The following CDH10 variants were observed in gnomAD, a reference collection of about 807,000 sequenced individuals.
CDH10 encodes the protein cadherin 10.
A neutral mutation model predicts 73.1 loss-of-function variants in CDH10; 30 were observed. The ratio of observed to expected loss-of-function variants is 0.41; its 90% CI spans 0.31 to 0.56. The LOEUF is 0.56. Among genes scored for constraint, CDH10 ranks in the 20% least tolerant of loss-of-function variants. The pLI, the probability that CDH10 is intolerant of heterozygous loss-of-function variation, is 0.27. For synonymous variants in CDH10, 345 were observed against 348.2 expected (o/e 0.99, Z 0.10); for missense variants, 815 against 973.7 (o/e 0.84, Z 2.17).
chr5:24,615,162 G>T (rs1443572612), intron 1 of CDH10, among the ~76,000 whole-genome samples: 1 of 152,040 alleles, frequency 6.6e-6, no homozygotes, highest in East Asian at 1.9e-4. Flanking sequence ...GTATCATCTG[G>T]CACAATAGCC....
intron 7 of CDH10, among the ~76,000 whole-genome samples, chr5:24,506,049 G>T (rs1229073584): frequency 6.6e-6 from 1 of 151,120 alleles, no homozygotes. Context: ...AGAGGCGGAG[G>T]TTGCAGTGAG....
chr5:24,623,642 T>C (rs1049382363), intron 1 of CDH10, among the ~76,000 whole-genome samples: 2 of 152,192 alleles, frequency 1.3e-5, no homozygotes, highest in African/African-American at 2.4e-5. Flanking sequence ...TTAAGCATCA[T>C]GTGAACAAAA....
intron 1 of CDH10, among the ~76,000 whole-genome samples, chr5:24,641,925 A>G (rs1325312545): frequency 6.6e-6 from 1 of 152,132 alleles, no homozygotes; most frequent in Non-Finnish European, 1.5e-5. Context: ...AAAATTACTT[A>G]TAATTGGCAT....
Position 24,569,081 on chromosome 5 carries a change from G to A in CDH10, c.231+24179C>T, listed in dbSNP as rs1201539742. ...GCCGAGATCGCATCACTGCACTCCA[G>A]CCTGGGCAACAGAGCGAGACTCTGT... On this transcript the variant is annotated intron_variant, in intron 2 of 11. Transcript: ENST00000264463. Among the ~76,000 whole-genome samples, 3 of 151,146 alleles carry A rather than the reference G, an allele frequency of 2.0e-5. No homozygotes were observed. The East Asian group carries it at 5.9e-4, about 30-fold the overall frequency.
At chr5:24,526,314 T>C (rs1174580263) in intron 5 of CDH10, among the ~76,000 whole-genome samples, 1 of 152,002 alleles carries the variant, frequency 6.6e-6, no homozygotes, top group African/African-American at 2.4e-5. Flanking sequence ...AATTTCCATA[T>C]ACATGATTTC....
At chr5:24,624,673 C>A (rs1747431287) in intron 1 of CDH10, among the ~76,000 whole-genome samples, 2 of 152,048 alleles carry the variant, frequency 1.3e-5, no homozygotes, top group African/African-American at 4.8e-5. Context: ...TTCTAAGTGC[C>A]AATGTTTGAT....
At chr5:24,584,327 T>C (rs986604809) in intron 2 of CDH10, among the ~76,000 whole-genome samples, 1 of 152,064 alleles carries the variant, frequency 6.6e-6, no homozygotes, top group Admixed American at 6.6e-5. Flanking sequence ...TAAATTAGCA[T>C]GTCTTTTTTT....
chr5:24,563,524 G>C (rs929472935), intron 2 of CDH10, among the ~76,000 whole-genome samples: 2 of 149,032 alleles, frequency 1.3e-5, no homozygotes, highest in African/African-American at 2.5e-5. Flanking sequence ...GGGAGGTCGA[G>C]GTGGGCGGAT....
At chr5:24,600,257 A>T (rs1746513699) in intron 1 of CDH10, among the ~76,000 whole-genome samples, 2 of 152,210 alleles carry the variant, frequency 1.3e-5, no homozygotes, top group South Asian at 4.1e-4. Flanking sequence ...GCTATAATAC[A>T]GTGAACACCT....
At chr5:24,595,407 A>C (rs902178263) in intron 1 of CDH10, among the ~76,000 whole-genome samples, 1 of 152,042 alleles carries the variant, frequency 6.6e-6, no homozygotes, top group Non-Finnish European at 1.5e-5. Context: ...GAGTGTATTA[A>C]ATGACAGTGG....
At chr5:24,589,417 G>T (rs1746128899) in intron 2 of CDH10, among the ~76,000 whole-genome samples, 1 of 151,910 alleles carries the variant, frequency 6.6e-6, no homozygotes, top group East Asian at 1.9e-4. Flanking sequence ...AATTAGTACT[G>T]TTAGGAAAAG....
intron 1 of CDH10, among the ~76,000 whole-genome samples, chr5:24,631,420 TG>T (rs1043305778): frequency 6.6e-6 from 1 of 151,928 alleles, no homozygotes; most frequent in South Asian, 2.1e-4. Flanking sequence ...TGGATAATTG[TG>T]GGGAAAAAAT....
intron 2 of CDH10, among the ~76,000 whole-genome samples, chr5:24,571,739 G>C (rs1745389391): frequency 6.6e-6 from 1 of 152,002 alleles, no homozygotes; most frequent in Non-Finnish European, 1.5e-5. Context: ...TCAATGAGCT[G>C]GCAAATCTTT....
intron 2 of CDH10, among the ~76,000 whole-genome samples, chr5:24,585,468 G>A (rs1487974169): frequency 2.0e-5 from 3 of 152,122 alleles, no homozygotes; most frequent in African/African-American, 4.8e-5. Flanking sequence ...TGTTACCCAG[G>A]CTGGAGTGCA....
At chr5:24,575,444 C>T (rs963433158) in intron 2 of CDH10, among the ~76,000 whole-genome samples, 2 of 149,612 alleles carry the variant, frequency 1.3e-5, no homozygotes, top group Admixed American at 6.7e-5. Context: ...CCATCTTTTA[C>T]GAATTACGTT....
intron 2 of CDH10, among the ~76,000 whole-genome samples, chr5:24,570,647 G>T (rs1579823439): frequency 7.6e-6 from 1 of 132,174 alleles, no homozygotes; most frequent in African/African-American, 2.4e-5. Flanking sequence ...TTACCTTACT[G>T]TAAAATATAT....
intron 5 of CDH10, among the ~76,000 whole-genome samples, chr5:24,515,919 C>T (rs1398774354): frequency 1.3e-5 from 2 of 152,068 alleles, no homozygotes; most frequent in African/African-American, 4.8e-5. Flanking sequence ...CCTGAGCAAT[C>T]TCTTTCGCCT....
intron 1 of CDH10, among the ~76,000 whole-genome samples, chr5:24,611,192 C>T (rs377759966): frequency 5.9e-5 from 9 of 152,160 alleles, no homozygotes; most frequent in African/African-American, 2.2e-4. Flanking sequence ...ATGACTAGGC[C>T]ATATTAAGTA....
At chr5:24,544,547 T>C (rs1382918270) in intron 2 of CDH10, among the ~76,000 whole-genome samples, 2 of 152,106 alleles carry the variant, frequency 1.3e-5, no homozygotes, top group Non-Finnish European at 2.9e-5. Flanking sequence ...TCCCCAGAGA[T>C]TTCCTCCAAG....
Sources: allele counts gnomAD v4.1 joint callset (sites outside exome capture counted in the v4.1 genomes callset), GRCh38; gene constraint gnomAD v4.1.1; transcripts MANE v1.5; gene names NCBI Gene and HGNC (gene_info 2026-07-23, HGNC 2026-07-21).